The following KCNAB1 variants were observed in gnomAD, a reference collection of about 807,000 sequenced individuals.
KCNAB1 encodes the protein voltage-gated potassium channel subunit beta-1.
Under a neutral mutation model 64.6 loss-of-function variants are expected in KCNAB1, and 35 were observed. The observed-to-expected ratio is 0.54, with a 90% CI of 0.41 to 0.72. The LOEUF is 0.72. Among genes scored for constraint, KCNAB1 ranks in the 30% least tolerant of loss-of-function variants. The probability of loss-of-function intolerance (pLI) is 0.00; values close to 1 mark genes in which losing one functional copy is unlikely to be tolerated. For missense variants in KCNAB1, 401 were observed against 512.9 expected (o/e 0.78, Z 2.11); for synonymous variants, 177 against 183.8 (o/e 0.96, Z 0.30).
At chr3:156,433,221 G>A (rs1716352948) in intron 2 of KCNAB1, among the ~76,000 whole-genome samples, 1 of 152,196 alleles carries the variant, frequency 6.6e-6, no homozygotes, top group Non-Finnish European at 1.5e-5. Flanking sequence ...AGATCCTTGG[G>A]CTATATGCCC....
intron 8 of KCNAB1, among the ~76,000 whole-genome samples, chr3:156,504,753 T>TG (rs928918993): frequency 3.5e-5 from 5 of 144,388 alleles, no homozygotes; most frequent in Middle Eastern, 3.5e-3. Flanking sequence ...TTTTTTTTGT[T>TG]TTTTTTTTTT....
intron 1 of KCNAB1, among the ~76,000 whole-genome samples, chr3:156,336,080 C>G (rs772807574): frequency 9.2e-5 from 14 of 152,090 alleles, no homozygotes; most frequent in Non-Finnish European, 1.5e-4. Context: ...AAGTAACAGG[C>G]CAGGCGTGAT....
intron 1 of KCNAB1, among the ~76,000 whole-genome samples, chr3:156,303,742 T>C (rs1401615622): frequency 6.6e-6 from 1 of 152,168 alleles, no homozygotes; most frequent in Non-Finnish European, 1.5e-5. Context: ...GCCCCTCTAG[T>C]ACTACACTGA....
At chr3:156,454,586 A>C (rs868581782) in intron 3 of KCNAB1, among the ~76,000 whole-genome samples, 5 of 152,266 alleles carry the variant, frequency 3.3e-5, no homozygotes, top group Middle Eastern at 3.4e-3. Flanking sequence ...AGAGTTTACT[A>C]CAGGACTCTG....
chr3:156,396,895 C>T (rs948467263), intron 1 of KCNAB1, among the ~76,000 whole-genome samples: 9 of 152,132 alleles, frequency 5.9e-5, no homozygotes, highest in Non-Finnish European at 1.3e-4. Flanking sequence ...AGTTCAGATG[C>T]GTTTCTTCTT....
At chr3:156,161,566 A>T (rs1223144608) in intron 1 of KCNAB1, among the ~76,000 whole-genome samples, 1 of 152,166 alleles carries the variant, frequency 6.6e-6, no homozygotes, top group East Asian at 1.9e-4. Context: ...ACTCCATTTC[A>T]TGCTGATTTT....
At chr3:156,516,448 G>A in intron 11 of KCNAB1, 84 bp downstream of exon 11, 1 of 978,866 alleles carries the variant, frequency 1.0e-6, no homozygotes, top group Non-Finnish European at 1.6e-6. Flanking sequence ...AGCAGCCTAG[G>A]GCTTCCCAGC....
intron 1 of KCNAB1, among the ~76,000 whole-genome samples, chr3:156,185,471 G>A (rs1713128921): frequency 6.6e-6 from 1 of 152,192 alleles, no homozygotes; most frequent in African/African-American, 2.4e-5. Flanking sequence ...TGTCAGATAG[G>A]AGAAAAACAT....
At chr3:156,361,995 A>T (rs963173004) in intron 1 of KCNAB1, among the ~76,000 whole-genome samples, 14 of 152,240 alleles carry the variant, frequency 9.2e-5, no homozygotes, top group African/African-American at 3.1e-4. Flanking sequence ...AAATATTATT[A>T]ACCCCTCACC....
chr3:156,243,892 A>G (rs1002388500), intron 1 of KCNAB1, among the ~76,000 whole-genome samples: 4 of 152,006 alleles, frequency 2.6e-5, no homozygotes, highest in African/African-American at 7.2e-5. Context: ...CCAACTACTG[A>G]CCCCACAGGC....
intron 1 of KCNAB1, among the ~76,000 whole-genome samples, chr3:156,246,727 A>G (rs906415037): frequency 4.0e-5 from 6 of 150,546 alleles, no homozygotes; most frequent in African/African-American, 9.8e-5. Flanking sequence ...AAGGGATACT[A>G]TTTTTTCCTA....
chr3:156,384,673 T>C (rs1712439995), intron 1 of KCNAB1, among the ~76,000 whole-genome samples: 1 of 152,194 alleles, frequency 6.6e-6, no homozygotes, highest in Admixed American at 6.5e-5. Context: ...GGGAATATAG[T>C]TGAAGATGTG....
chr3:156,463,863 G>GTTT, intron 6 of KCNAB1, 117 bp downstream of exon 6: 3 of 574,944 alleles, frequency 5.2e-6, no homozygotes, highest in East Asian at 3.7e-5. Context: ...AGGGTTTTTT[G>GTTT]TTTTTTTTTT....
At chr3:156,419,500 CAAAAAAAAAGAAAAAA>C (rs368679928) in intron 1 of KCNAB1, among the ~76,000 whole-genome samples, 2,088 of 81,466 alleles carry the variant, frequency 0.026, 43 homozygotes, top group African/African-American at 0.087. Context: ...GACTCCGTCT[CAAAAAAAAAGAAAAAA>C]AAAAAAAAAG....
rs549778642 is a variant in KCNAB1 at position 156,257,109 on chromosome 3, T to A, written c.275+136223T>A. Among the ~76,000 whole-genome samples the A allele has an allele frequency of 1.1e-3, 169 of 152,348 alleles. 2 individuals carry two copies. The highest frequency in any genetic ancestry group is 3.8e-3 in the African/African-American group (158 of 41,578). On this transcript the variant is annotated intron_variant, in intron 1 of 13. Transcript: ENST00000490337. ...TTCCCATTATACCTTGTCAATAGTCTTTGTGTTAAACTTTCCTCATGACCC... is the reference window on the plus strand; with the variant it reads ...TTCCCATTATACCTTGTCAATAGTCATTGTGTTAAACTTTCCTCATGACCC...
chr3:156,330,349 T>C (rs1322192093), intron 1 of KCNAB1, among the ~76,000 whole-genome samples: 1 of 152,148 alleles, frequency 6.6e-6, no homozygotes, highest in African/African-American at 2.4e-5. Flanking sequence ...AGCATCGGCC[T>C]GTTTCCTCCC....
chr3:156,410,420 G>C (rs985347065), intron 1 of KCNAB1, among the ~76,000 whole-genome samples: 1 of 152,186 alleles, frequency 6.6e-6, no homozygotes, highest in Admixed American at 6.5e-5. Context: ...CCATTAATCT[G>C]TAATACAGTT....
intron 1 of KCNAB1, chr3:156,143,311 C>A (rs766303067): frequency 6.8e-6 from 11 of 1,613,424 alleles, no homozygotes; most frequent in Non-Finnish European, 9.3e-6. Context: ...GGCCTGCAAA[C>A]CTGTGAGGCC....
At chr3:156,214,230 G>C (rs1250914289) in intron 1 of KCNAB1, among the ~76,000 whole-genome samples, 1 of 152,148 alleles carries the variant, frequency 6.6e-6, no homozygotes, top group Non-Finnish European at 1.5e-5. Flanking sequence ...TATTGAATCT[G>C]AGGAGGGGGT....
Sources: allele counts gnomAD v4.1 joint callset (sites outside exome capture counted in the v4.1 genomes callset), GRCh38; gene constraint gnomAD v4.1.1; transcripts MANE v1.5; gene names NCBI Gene and HGNC (gene_info 2026-07-23, HGNC 2026-07-21).